ATG10: variants seen among roughly 807,000 people sequenced by gnomAD.
ATG10 encodes the protein ubiquitin-like-conjugating enzyme ATG10.
In ATG10, 30 loss-of-function variants were observed where a neutral mutation model predicts 32.1. That is an observed-to-expected ratio of 0.94 (90% CI 0.70 to 1.27). ATG10 has a LOEUF of 1.27. Ranked by LOEUF, ATG10 falls within the 50% of genes most tolerant of loss-of-function variation. ATG10 has a pLI of 0.00. For synonymous variants in ATG10, 87 were observed against 91.5 expected (o/e 0.95, Z 0.28); for missense variants, 233 against 262.3 (o/e 0.89, Z 0.77).
chr5:82,077,940 ACT>A (rs1293777720), intron 3 of ATG10, among the ~76,000 whole-genome samples: 1 of 152,170 alleles, frequency 6.6e-6, no homozygotes, highest in Non-Finnish European at 1.5e-5. Flanking sequence ...GGATGAAATC[ACT>A]CTCGTTTGAT....
intron 5 of ATG10, among the ~76,000 whole-genome samples, chr5:82,246,248 T>TTA (rs1207082478): frequency 2.6e-5 from 4 of 151,974 alleles, no homozygotes; most frequent in Non-Finnish European, 5.9e-5. Context: ...TTTTTGTACT[T>TTA]TTAGTAGAGA....
chr5:82,125,623 A>G (rs911069325), intron 3 of ATG10, among the ~76,000 whole-genome samples: 7 of 152,184 alleles, frequency 4.6e-5, no homozygotes, highest in African/African-American at 1.4e-4. Flanking sequence ...GTTCTGTTCC[A>G]TTGGTCTATA....
chr5:82,038,584 A>C (rs550312999), intron 2 of ATG10, among the ~76,000 whole-genome samples: 1 of 152,308 alleles, frequency 6.6e-6, no homozygotes, highest in East Asian at 1.9e-4. Flanking sequence ...TGTCCAATAC[A>C]CTGGGATTCT....
intron 5 of ATG10, among the ~76,000 whole-genome samples, chr5:82,200,761 A>G (rs1268569663): frequency 6.6e-6 from 1 of 151,464 alleles, no homozygotes; most frequent in Non-Finnish European, 1.5e-5. Context: ...TATGTTATGT[A>G]TAAATACTTT....
intron 3 of ATG10, among the ~76,000 whole-genome samples, chr5:82,081,695 C>G (rs1202634813): frequency 3.3e-5 from 5 of 152,174 alleles, no homozygotes; most frequent in Admixed American, 6.5e-5. Context: ...GCCTTACATA[C>G]CAGGGATGAA....
At position 82,254,560 on chromosome 5, in the gene ATG10, G is replaced by A. The variant is rs1747388596; in HGVS notation, c.*497G>A. 1.6e-4 allele frequency: 4 copies of A among 25,782 alleles called. No homozygotes were observed. Among genetic ancestry groups the A allele is most frequent in the East Asian group, 0.045 (1 of 22 alleles). 1.6% of individuals were successfully genotyped at this position (25,782 alleles called of 1,614,324 possible). Reference sequence around the variant, plus strand: ...GGTGACAGAGCCAGACACTGTCTCGGGGAAAAAAAAAAAAAAAAAAAGACA... The same window carrying A: ...GGTGACAGAGCCAGACACTGTCTCGAGGAAAAAAAAAAAAAAAAAAAGACA... On this transcript the variant is annotated 3_prime_UTR_variant, in exon 8 of 8. Coordinates refer to ENST00000282185, the MANE Select transcript of ATG10 (RefSeq NM_031482.5).
chr5:82,138,023 T>A (rs1323362826), intron 3 of ATG10, among the ~76,000 whole-genome samples: 1 of 152,180 alleles, frequency 6.6e-6, no homozygotes, highest in African/African-American at 2.4e-5. Flanking sequence ...TTGTTTATAC[T>A]GTGAGGGGAA....
chr5:82,070,412 A>G (rs1399463655), intron 3 of ATG10, among the ~76,000 whole-genome samples: 1 of 152,194 alleles, frequency 6.6e-6, no homozygotes, highest in Non-Finnish European at 1.5e-5. Flanking sequence ...TCCAATAAGT[A>G]TTTGTGAAGC....
chr5:82,006,588 AT>A (rs1386763095), intron 2 of ATG10, among the ~76,000 whole-genome samples: 1 of 152,210 alleles, frequency 6.6e-6, no homozygotes, highest in Non-Finnish European at 1.5e-5. Flanking sequence ...TAATGAATGA[AT>A]TCAAGAAAAG....
chr5:82,049,175 T>G (rs1581635557), intron 2 of ATG10, among the ~76,000 whole-genome samples: 1 of 151,258 alleles, frequency 6.6e-6, no homozygotes, highest in African/African-American at 2.4e-5. Context: ...TAGACTGGAT[T>G]AAGAAAATGT....
At chr5:82,248,057 G>A (rs1259410409) in intron 5 of ATG10, among the ~76,000 whole-genome samples, 2 of 152,110 alleles carry the variant, frequency 1.3e-5, no homozygotes, top group African/African-American at 4.8e-5. Flanking sequence ...CGTGGATTGG[G>A]AACACGCTAA....
At chr5:82,055,978 G>A (rs1195311624) in intron 2 of ATG10, among the ~76,000 whole-genome samples, 1 of 152,184 alleles carries the variant, frequency 6.6e-6, no homozygotes, top group Admixed American at 6.6e-5. Context: ...GCCTACGTAT[G>A]TAGGAGGCCA....
intron 5 of ATG10, among the ~76,000 whole-genome samples, chr5:82,184,359 A>T (rs1347122337): frequency 6.6e-6 from 1 of 152,182 alleles, no homozygotes; most frequent in Non-Finnish European, 1.5e-5. Flanking sequence ...AATCATAATC[A>T]TTATTATTTT....
chr5:81,998,215 G>T (rs538132508), intron 2 of ATG10, among the ~76,000 whole-genome samples: 2 of 152,176 alleles, frequency 1.3e-5, no homozygotes, highest in Non-Finnish European at 2.9e-5. Flanking sequence ...CAAGCCAGAG[G>T]AGTTTGAGGG....
intron 2 of ATG10, among the ~76,000 whole-genome samples, chr5:82,016,864 A>G (rs776394060): frequency 6.6e-6 from 1 of 151,054 alleles, no homozygotes; most frequent in East Asian, 2.0e-4. Context: ...AATTTTTTGT[A>G]TTTTTTTAGT....
intron 3 of ATG10, among the ~76,000 whole-genome samples, chr5:82,122,646 G>A (rs544158100): frequency 4.6e-5 from 7 of 152,174 alleles, no homozygotes; most frequent in Admixed American, 6.5e-5. Context: ...CATCTATAAG[G>A]ACCTTAAACA....
rs142706306 is a variant in ATG10, at chr5:82,101,668, A to G, written c.216+43066A>G. On this transcript the variant is annotated intron_variant, in intron 3 of 7. Coordinates refer to ENST00000282185, the MANE Select transcript of ATG10 (RefSeq NM_031482.5). ...TTTCCTAATAGTTTCATCTGCCCCA[A>G]ATTCAATGTGCTTTTTTAGAGGTAC... 1.0e-3 allele frequency among the ~76,000 whole-genome samples: 153 copies of G among 152,276 alleles called. 2 individuals are homozygous for G. The Middle Eastern group carries it at 0.017, about 17-fold the overall frequency.
intron 3 of ATG10, among the ~76,000 whole-genome samples, chr5:82,085,855 T>A (rs1247384590): frequency 6.6e-6 from 1 of 152,128 alleles, no homozygotes; most frequent in African/African-American, 2.4e-5. Context: ...TTTCTAATTA[T>A]CCCCTATTAG....
At chr5:81,983,157 G>C (rs1376055738) in intron 1 of ATG10, among the ~76,000 whole-genome samples, 1 of 151,470 alleles carries the variant, frequency 6.6e-6, no homozygotes, top group East Asian at 2.0e-4. Context: ...TCACCTCCTG[G>C]ACGGGGCGGC....
Sources: gnomAD v4.1 joint callset for allele counts (sites outside exome capture counted in the v4.1 genomes callset) on GRCh38, gnomAD v4.1.1 for gene constraint, MANE v1.5 for transcripts, NCBI Gene and HGNC (gene_info 2026-07-23, HGNC 2026-07-21) for gene names.